CHLSN: variants seen among roughly 807,000 people sequenced by gnomAD.
CHLSN encodes the protein cholesin.
chr7:995,922 C>T, the CHLSN span, among the ~76,000 whole-genome samples: 2 of 152,230 alleles, frequency 1.3e-5, no homozygotes, highest in African/African-American at 4.8e-5. Flanking sequence ...GCCTCATCTC[C>T]TTCCCACAGC....
chr7:1,093,040 G>T, the CHLSN span: 1 of 717,378 alleles, frequency 1.4e-6, no homozygotes, highest in Non-Finnish European at 2.6e-6. Flanking sequence ...CCTCACGACT[G>T]GTCACCTTGC....
chr7:995,027 C>T, the CHLSN span, among the ~76,000 whole-genome samples: 1 of 152,262 alleles, frequency 6.6e-6, no homozygotes, highest in Non-Finnish European at 1.5e-5. Flanking sequence ...TGAGGGTCGT[C>T]TCCAGGCTAA....
the CHLSN span, among the ~76,000 whole-genome samples, chr7:1,083,504 T>A: frequency 6.6e-6 from 1 of 151,808 alleles, no homozygotes; most frequent in Admixed American, 6.6e-5. Flanking sequence ...GGCAGACGCC[T>A]GTAGTCCCAG....
At chr7:983,005 C>A in the CHLSN span, among the ~76,000 whole-genome samples, 1 of 152,188 alleles carries the variant, frequency 6.6e-6, no homozygotes. Context: ...CCCTCCCCTC[C>A]CCGGCCCCAC....
the CHLSN span, among the ~76,000 whole-genome samples, chr7:1,111,759 G>A: frequency 9.9e-4 from 150 of 152,146 alleles, no homozygotes; most frequent in African/African-American, 3.2e-3. Context: ...CCAGGATCAC[G>A]CCATTGCACT....
chr7:1,015,345 C>G, the CHLSN span, among the ~76,000 whole-genome samples: 24,154 of 152,206 alleles, frequency 0.16, 2,069 homozygotes, highest in Admixed American at 0.22. Context: ...ACCAGCAGGT[C>G]TTTGTCAACC....
At chr7:1,007,779 G>A in the CHLSN span, among the ~76,000 whole-genome samples, 15 of 152,170 alleles carry the variant, frequency 9.9e-5, no homozygotes, top group African/African-American at 3.6e-4. Flanking sequence ...AGGGGGCCAC[G>A]GGAAGGTCCC....
chr7:1,071,423 T>G, the CHLSN span, among the ~76,000 whole-genome samples: 1 of 152,116 alleles, frequency 6.6e-6, no homozygotes, highest in Non-Finnish European at 1.5e-5. Context: ...CAGAGCTCCT[T>G]GGAGAAAAGC....
chr7:1,078,578 C>T, the CHLSN span, among the ~76,000 whole-genome samples: 1 of 151,616 alleles, frequency 6.6e-6, no homozygotes, highest in Non-Finnish European at 1.5e-5. Context: ...CCTAACGCCC[C>T]CCACGCCGGT....
chr7:1,052,228 G>C, the CHLSN span, among the ~76,000 whole-genome samples: 1 of 152,248 alleles, frequency 6.6e-6, no homozygotes, highest in Non-Finnish European at 1.5e-5. This position sits in a 1 kb window ranked among gnomAD's most constrained non-coding sequence, Gnocchi z 4.2. Flanking sequence ...AGGAGCCTCT[G>C]AGCAGGCGCC....
the CHLSN span, among the ~76,000 whole-genome samples, chr7:1,072,290 A>C: frequency 1.1e-4 from 16 of 152,200 alleles, no homozygotes; most frequent in East Asian, 3.1e-3. Context: ...CCGTGTGCTG[A>C]GGAGGGCACG....
the CHLSN span, chr7:983,063 C>G: frequency 3.0e-6 from 2 of 658,004 alleles, no homozygotes; most frequent in Non-Finnish European, 4.5e-6. Context: ...TTTAAGCCAT[C>G]CGCTGGGGGC....
chr7:991,449 C>A, the CHLSN span, among the ~76,000 whole-genome samples: 3 of 151,084 alleles, frequency 2.0e-5, no homozygotes, highest in African/African-American at 7.3e-5. Flanking sequence ...TTAACTCATG[C>A]CCATGGGCGT....
the CHLSN span, among the ~76,000 whole-genome samples, chr7:1,105,599 T>C: frequency 6.6e-6 from 1 of 152,238 alleles, no homozygotes; most frequent in Non-Finnish European, 1.5e-5. Flanking sequence ...TGTGAAAATG[T>C]ACCAAATATT....
the CHLSN span, among the ~76,000 whole-genome samples, chr7:1,101,108 G>A: frequency 2.0e-5 from 3 of 152,266 alleles, no homozygotes; most frequent in Admixed American, 6.5e-5. Context: ...GAGGTGACAC[G>A]TGCGCCACGA....
the CHLSN span, among the ~76,000 whole-genome samples, chr7:1,042,153 G>A: frequency 7.9e-5 from 12 of 151,968 alleles, no homozygotes; most frequent in African/African-American, 2.9e-4. Context: ...CCCCCCACCC[G>A]CAACACACAC....
At chr7:1,026,611 A>G in the CHLSN span, 3 of 152,232 alleles carry the variant, frequency 2.0e-5, no homozygotes, top group Non-Finnish European at 4.4e-5. Flanking sequence ...ATCGGCTCAC[A>G]GTTGCTCCCC....
the CHLSN span, chr7:1,075,996 C>G: frequency 1.3e-5 from 2 of 152,264 alleles, no homozygotes; most frequent in African/African-American, 4.8e-5. Flanking sequence ...CTCCAGGGCG[C>G]CCCACTCCCA....
the CHLSN span, chr7:1,027,132 G>T: frequency 6.6e-6 from 1 of 152,224 alleles, no homozygotes; most frequent in African/African-American, 2.4e-5. Context: ...GTATCATCAT[G>T]TCAATTTTGT....
Sources: gnomAD v4.1 joint callset for allele counts (sites outside exome capture counted in the v4.1 genomes callset) on GRCh38, gnomAD v4.1.1 for gene constraint, Gnocchi (gnomAD v3.1) non-coding constraint, MANE v1.5 for transcripts, NCBI Gene and HGNC (gene_info 2026-07-23, HGNC 2026-07-21) for gene names.